ABTB3: variants seen among roughly 807,000 people sequenced by gnomAD.
The protein encoded by ABTB3 is ankyrin repeat- and BTB/POZ domain-containing protein 3.
the ABTB3 span, among the ~76,000 whole-genome samples, chr12:107,446,391 G>A: frequency 6.6e-6 from 1 of 152,110 alleles, no homozygotes; most frequent in Admixed American, 6.6e-5. Context: ...TTAGAGACTG[G>A]GAGGGCCTAA....
chr12:107,441,461 G>A, the ABTB3 span, among the ~76,000 whole-genome samples: 1 of 152,146 alleles, frequency 6.6e-6, no homozygotes, highest in Non-Finnish European at 1.5e-5. Context: ...GGCCTATTGG[G>A]AGATGTGGTG....
the ABTB3 span, among the ~76,000 whole-genome samples, chr12:107,571,296 C>T: frequency 6.6e-6 from 1 of 152,198 alleles, no homozygotes; most frequent in Non-Finnish European, 1.5e-5. Context: ...GTAGTTTGCC[C>T]AAGGTCCCAC....
At chr12:107,545,669 G>C in the ABTB3 span, among the ~76,000 whole-genome samples, 1 of 152,190 alleles carries the variant, frequency 6.6e-6, no homozygotes, top group Non-Finnish European at 1.5e-5. Context: ...AAATCAGTCA[G>C]TACGTTGTGC....
At chr12:107,324,869 C>T in the ABTB3 span, among the ~76,000 whole-genome samples, 12 of 152,092 alleles carry the variant, frequency 7.9e-5, no homozygotes, top group African/African-American at 2.4e-5. Context: ...AGATCTAACC[C>T]CAAATTTTCA....
chr12:107,583,313 T>C, the ABTB3 span, among the ~76,000 whole-genome samples: 1 of 152,216 alleles, frequency 6.6e-6, no homozygotes. Flanking sequence ...TATTATTCTA[T>C]AATTTTGGAA....
the ABTB3 span, among the ~76,000 whole-genome samples, chr12:107,528,049 G>A: frequency 6.6e-6 from 1 of 152,186 alleles, no homozygotes; most frequent in African/African-American, 2.4e-5. Context: ...GCTGGCCATG[G>A]ATGGAAGGAA....
At chr12:107,470,014 C>CTTTCTTTCTTTCTT in the ABTB3 span, among the ~76,000 whole-genome samples, 1 of 65,462 alleles carries the variant, frequency 1.5e-5, no homozygotes, top group Non-Finnish European at 3.0e-5. Context: ...CTTTCTTTCT[C>CTTTCTTTCTTTCTT]TCTCTCTCTC....
chr12:107,350,287 C>T, the ABTB3 span, among the ~76,000 whole-genome samples: 2 of 152,134 alleles, frequency 1.3e-5, no homozygotes, highest in Non-Finnish European at 2.9e-5. Flanking sequence ...CGCAGTGGCT[C>T]ACACCTGTAA....
chr12:107,495,490 G>T, the ABTB3 span, among the ~76,000 whole-genome samples: 1 of 152,174 alleles, frequency 6.6e-6, no homozygotes, highest in African/African-American at 2.4e-5. Flanking sequence ...CCCTGGATTG[G>T]GTATGATTAG....
At chr12:107,631,353 G>A in the ABTB3 span, among the ~76,000 whole-genome samples, 1 of 152,210 alleles carries the variant, frequency 6.6e-6, no homozygotes, top group African/African-American at 2.4e-5. Flanking sequence ...GTGCACCACT[G>A]ATGGACACCT....
At chr12:107,456,528 C>G in the ABTB3 span, among the ~76,000 whole-genome samples, 1 of 152,104 alleles carries the variant, frequency 6.6e-6, no homozygotes, top group African/African-American at 2.4e-5. Flanking sequence ...ATGGTACCAT[C>G]AAGTTGCAGG....
At chr12:107,598,548 A>G in the ABTB3 span, among the ~76,000 whole-genome samples, 74 of 152,360 alleles carry the variant, frequency 4.9e-4, no homozygotes, top group South Asian at 0.014. Context: ...GGGGATGGTT[A>G]AAATTCATTG....
chr12:107,645,547 C>T, the ABTB3 span, among the ~76,000 whole-genome samples: 1 of 152,136 alleles, frequency 6.6e-6, no homozygotes, highest in Admixed American at 6.5e-5. Context: ...CTGGGCCCCC[C>T]GCTAAACTCA....
At chr12:107,586,633 C>G in the ABTB3 span, among the ~76,000 whole-genome samples, 3 of 152,206 alleles carry the variant, frequency 2.0e-5, no homozygotes, top group East Asian at 5.8e-4. Context: ...AGAAACTGCC[C>G]TCTCCCTGAT....
the ABTB3 span, among the ~76,000 whole-genome samples, chr12:107,582,633 C>T: frequency 2.6e-4 from 40 of 152,310 alleles, no homozygotes; most frequent in South Asian, 8.3e-4. Context: ...TTTTAATCCC[C>T]GAAGCGGCAT....
the ABTB3 span, among the ~76,000 whole-genome samples, chr12:107,455,363 A>G: frequency 6.6e-6 from 1 of 151,862 alleles, no homozygotes; most frequent in South Asian, 2.1e-4. Context: ...GCTGTCGCCC[A>G]TGCTGGTCTT....
chr12:107,639,174 G>A, the ABTB3 span, among the ~76,000 whole-genome samples: 1 of 152,198 alleles, frequency 6.6e-6, no homozygotes, highest in Non-Finnish European at 1.5e-5. Context: ...AGAGGGGAGA[G>A]AGCACGTAGC....
chr12:107,442,176 A>G, the ABTB3 span, among the ~76,000 whole-genome samples: 1 of 152,196 alleles, frequency 6.6e-6, no homozygotes, highest in South Asian at 2.1e-4. Context: ...CACAGGGTGC[A>G]TGGCTGGCAC....
chr12:107,578,400 T>TTTTTTTTTTTTTTG, the ABTB3 span, among the ~76,000 whole-genome samples: 1 of 140,046 alleles, frequency 7.1e-6, no homozygotes, highest in Non-Finnish European at 1.5e-5. Context: ...TTTTTTTTTT[T>TTTTTTTTTTTTTTG]TTTTTTTTTT....
Sources: gnomAD v4.1 joint callset for allele counts (sites outside exome capture counted in the v4.1 genomes callset) on GRCh38, gnomAD v4.1.1 for gene constraint, MANE v1.5 for transcripts, NCBI Gene and HGNC (gene_info 2026-07-23, HGNC 2026-07-21) for gene names.